WBP1L: variants seen among roughly 807,000 people sequenced by gnomAD.
WBP1L encodes the protein WW domain binding protein 1 like.
Under a neutral mutation model 33.7 loss-of-function variants are expected in WBP1L, and 17 were observed. The ratio of observed to expected loss-of-function variants is 0.50; its 90% CI spans 0.34 to 0.76. The LOEUF is 0.76. WBP1L is among the 30% of genes least tolerant of loss of function. WBP1L has a pLI of 0.01. For missense variants in WBP1L, 389 were observed against 469.4 expected (o/e 0.83, Z 1.58); for synonymous variants, 173 against 190.8 (o/e 0.91, Z 0.77).
At chr10:102,778,733 T>C (rs369488216) in intron 1 of WBP1L, among the ~76,000 whole-genome samples, 27 of 152,194 alleles carry the variant, frequency 1.8e-4, no homozygotes, top group African/African-American at 5.1e-4. Context: ...ATTGGAGCCA[T>C]GTAGCCTTCT....
At chr10:102,807,379 A>G (rs1479609499) in intron 2 of WBP1L, among the ~76,000 whole-genome samples, 2 of 151,964 alleles carry the variant, frequency 1.3e-5, no homozygotes, top group Non-Finnish European at 2.9e-5. Context: ...TTTTCTGTCC[A>G]TATATACTTT....
At chr10:102,751,974 GT>G (rs898662585) in intron 1 of WBP1L, among the ~76,000 whole-genome samples, 7 of 152,196 alleles carry the variant, frequency 4.6e-5, no homozygotes, top group African/African-American at 1.4e-4. Context: ...GTGTATTATG[GT>G]TTGTAAGTTA....
chr10:102,749,299 C>T (rs887866141), intron 1 of WBP1L, among the ~76,000 whole-genome samples: 2 of 152,086 alleles, frequency 1.3e-5, no homozygotes, highest in African/African-American at 4.8e-5. Context: ...TGCTCTGTTG[C>T]CCATAGGGTT....
chr10:102,756,046 A>G (rs1414113942), intron 1 of WBP1L, among the ~76,000 whole-genome samples: 4 of 151,746 alleles, frequency 2.6e-5, no homozygotes, highest in Admixed American at 6.6e-5. Flanking sequence ...AGACAACCAT[A>G]TATCTATATA....
At chr10:102,757,885 CCCT>C (rs1842996688) in intron 1 of WBP1L, among the ~76,000 whole-genome samples, 2 of 57,068 alleles carry the variant, frequency 3.5e-5, no homozygotes, top group South Asian at 8.7e-4. Context: ...CTCCCCCCCC[CCCT>C]TTTTTTTTTT....
Position 102,813,266 on chromosome 10 carries a change from C to T in WBP1L, c.1027C>T (p.Leu343=), listed in dbSNP as rs1843876542. The part of the protein sequence containing the change: ...HPHLPRPPAC[L]LLNTINEQDS... ...GCACCTGCCACGGCCGCCCGCATGC[C>T]TGCTGCTGAACACCATCAACGAGCA... is the stretch of plus-strand genomic sequence containing the variant. The change falls in exon 4 of 4, where the codon CTG becomes TTG. Residue 343 remains leucine (L), a synonymous_variant. Transcript: ENST00000448841. The T allele has an allele frequency of 2.5e-6, 4 of 1,612,990 alleles. No individual in the cohort carries two copies. The highest frequency in any genetic ancestry group is 1.1e-5 in the South Asian group (1 of 91,070).
intron 1 of WBP1L, among the ~76,000 whole-genome samples, chr10:102,744,882 C>T (rs796566231): frequency 2.9e-4 from 44 of 152,314 alleles, no homozygotes; most frequent in African/African-American, 9.6e-4. Context: ...GCAAATGGAG[C>T]ACCCTAGCTT....
chr10:102,793,092 C>T (rs527502136), intron 1 of WBP1L, among the ~76,000 whole-genome samples: 9 of 152,148 alleles, frequency 5.9e-5, no homozygotes, highest in East Asian at 1.9e-4. Context: ...CTGTAAGTTC[C>T]GTGAGGATGG....
chr10:102,791,082 G>T (rs1272553947), intron 1 of WBP1L, among the ~76,000 whole-genome samples: 3 of 151,990 alleles, frequency 2.0e-5, no homozygotes, highest in African/African-American at 7.3e-5. Context: ...TTTCTAATCT[G>T]TTCTCCCCCT....
At chr10:102,794,605 C>T (rs1374134855) in intron 1 of WBP1L, among the ~76,000 whole-genome samples, 1 of 151,974 alleles carries the variant, frequency 6.6e-6, no homozygotes, top group Admixed American at 6.6e-5. Flanking sequence ...CAAAAATTAG[C>T]CGGGTGTGGT....
chr10:102,748,336 A>G (rs1217437713), intron 1 of WBP1L, among the ~76,000 whole-genome samples: 1 of 150,782 alleles, frequency 6.6e-6, no homozygotes, highest in Non-Finnish European at 1.5e-5. Context: ...TTCCCACCTC[A>G]CCCTCAATGG....
At chr10:102,752,856 G>C (rs778452517) in intron 1 of WBP1L, among the ~76,000 whole-genome samples, 3 of 152,196 alleles carry the variant, frequency 2.0e-5, no homozygotes, top group Non-Finnish European at 2.9e-5. Context: ...GCTGTGTCTT[G>C]AGGAGAGTCC....
At chr10:102,788,087 ACAAAAC>A (rs2134051407) in intron 1 of WBP1L, among the ~76,000 whole-genome samples, 1 of 150,552 alleles carries the variant, frequency 6.6e-6, no homozygotes, top group East Asian at 2.0e-4. Flanking sequence ...GAAAAAAAAA[ACAAAAC>A]CAATACTATC....
intron 1 of WBP1L, among the ~76,000 whole-genome samples, chr10:102,780,811 G>T (rs186648996): frequency 3.9e-5 from 6 of 152,322 alleles, no homozygotes; most frequent in Middle Eastern, 3.4e-3. Flanking sequence ...CACTATAGGT[G>T]CTAGGTGTGT....
At chr10:102,803,273 G>A (rs759938475) in intron 2 of WBP1L, among the ~76,000 whole-genome samples, 7 of 152,182 alleles carry the variant, frequency 4.6e-5, no homozygotes, top group Non-Finnish European at 7.3e-5. Context: ...GTCACCCACC[G>A]TCCTGCAGGA....
intron 1 of WBP1L, chr10:102,776,311 C>T: frequency 6.2e-7 from 1 of 1,613,198 alleles, no homozygotes; most frequent in South Asian, 1.1e-5. Context: ...CACAGGCCCA[C>T]CAGGGGCAAT....
chr10:102,762,024 C>T (rs1843048211), intron 1 of WBP1L, among the ~76,000 whole-genome samples: 1 of 152,036 alleles, frequency 6.6e-6, no homozygotes, highest in South Asian at 2.1e-4. Context: ...ATTTTTAAAA[C>T]AATTTTTTTA....
chr10:102,781,869 T>C (rs982173300), intron 1 of WBP1L, among the ~76,000 whole-genome samples: 4 of 119,422 alleles, frequency 3.3e-5, no homozygotes, highest in Non-Finnish European at 4.9e-5. Flanking sequence ...TAATTTTTTT[T>C]GGGGGGGGTG....
At chr10:102,746,216 A>G in intron 1 of WBP1L, 2 of 971,140 alleles carry the variant, frequency 2.1e-6, no homozygotes, top group Non-Finnish European at 2.4e-6. Flanking sequence ...GTTATATTCT[A>G]ATTGCAGTTT....
Sources: gnomAD v4.1 joint callset for allele counts (sites outside exome capture counted in the v4.1 genomes callset) on GRCh38, gnomAD v4.1.1 for gene constraint, MANE v1.5 for transcripts, NCBI Gene and HGNC (gene_info 2026-07-23, HGNC 2026-07-21) for gene names.